Variants in PCDH15 observed in about 807,000 individuals in gnomAD.
PCDH15 encodes protocadherin related 15.
In PCDH15, 129 loss-of-function variants were observed where a neutral mutation model predicts 178.5. That is an observed-to-expected ratio of 0.72 (90% CI 0.63 to 0.84). The LOEUF (loss-of-function observed/expected upper bound fraction) is 0.84, where lower values mean the gene tolerates loss of function less well. Among genes scored for constraint, PCDH15 ranks in the 40% least tolerant of loss-of-function variants. PCDH15 has a pLI of 0.00. For missense variants in PCDH15, 2,230 were observed against 2,099.9 expected (o/e 1.06, Z -1.21); for synonymous variants, 800 against 732.0 (o/e 1.09, Z -1.50).
At chr10:55,146,010 T>C (rs925187930) in intron 2 of PCDH15, among the ~76,000 whole-genome samples, 1 of 131,564 alleles carries the variant, frequency 7.6e-6, no homozygotes, top group Non-Finnish European at 1.6e-5. Context: ...CAATTTCACT[T>C]AGCAAACCAA....
intron 1 of PCDH15, among the ~76,000 whole-genome samples, chr10:54,701,954 A>G (rs1362501222): frequency 6.6e-6 from 1 of 152,058 alleles, no homozygotes; most frequent in Non-Finnish European, 1.5e-5. Flanking sequence ...AGCCAAATGG[A>G]CCTAACAGAC....
At chr10:53,917,333 A>G (rs2083609899) in intron 25 of PCDH15, among the ~76,000 whole-genome samples, 2 of 152,192 alleles carry the variant, frequency 1.3e-5, no homozygotes, top group Non-Finnish European at 2.9e-5. Context: ...CAAAATTATT[A>G]TGTCTGAATA....
chr10:55,578,539 T>C (rs753156967), intron 2 of PCDH15, among the ~76,000 whole-genome samples: 1 of 152,148 alleles, frequency 6.6e-6, no homozygotes, highest in Non-Finnish European at 1.5e-5. Flanking sequence ...TATTTTAAAG[T>C]GATAATTCCC....
Position 53,844,107 on chromosome 10 carries a change from T to A in PCDH15, c.3807-3611A>T, listed in dbSNP as rs140449815. Among the ~76,000 whole-genome samples the A allele has an allele frequency of 6.5e-4, 99 of 151,782 alleles. 2 individuals carry two copies. In the East Asian group the frequency reaches 0.013, roughly 20 times the overall value. ...TAAGAAAAGAGAATTGCTAACTGCT[T>A]GTATAAATGTGCTGATGTAGTAGTG... On this transcript the variant is annotated intron_variant, in intron 28 of 37. Transcript: ENST00000644397.
At chr10:55,499,625 G>A (rs971921982) in intron 2 of PCDH15, among the ~76,000 whole-genome samples, 5 of 151,450 alleles carry the variant, frequency 3.3e-5, no homozygotes, top group Admixed American at 6.6e-5. Flanking sequence ...TAGATGAAAG[G>A]TTATCCAATT....
intron 1 of PCDH15, among the ~76,000 whole-genome samples, chr10:55,218,345 T>A (rs1840768225): frequency 6.6e-6 from 1 of 151,738 alleles, no homozygotes; most frequent in African/African-American, 2.4e-5. Flanking sequence ...GTTAACGAAA[T>A]AATAGGAAGC....
intron 2 of PCDH15, among the ~76,000 whole-genome samples, chr10:55,014,289 A>C (rs1344309166): frequency 1.3e-5 from 2 of 152,154 alleles, no homozygotes; most frequent in African/African-American, 2.4e-5. Context: ...GTCTATTATA[A>C]GGAAAAAATT....
chr10:54,474,325 G>T (rs1260677914), intron 3 of PCDH15, among the ~76,000 whole-genome samples: 1 of 151,776 alleles, frequency 6.6e-6, no homozygotes, highest in Non-Finnish European at 1.5e-5. Flanking sequence ...AGGAAAAATT[G>T]GATCCAAAAA....
chr10:54,778,454 T>C (rs1272597935), intron 1 of PCDH15, among the ~76,000 whole-genome samples: 1 of 152,186 alleles, frequency 6.6e-6, no homozygotes, highest in Non-Finnish European at 1.5e-5. Context: ...ACATTGCTTT[T>C]CTGCTATACA....
intron 2 of PCDH15, among the ~76,000 whole-genome samples, chr10:54,551,499 G>C (rs191935964): frequency 6.6e-6 from 1 of 151,910 alleles, no homozygotes; most frequent in Non-Finnish European, 1.5e-5. Flanking sequence ...TGACCTAAAA[G>C]AATAATTTTT....
chr10:54,999,060 TG>T (rs762370672), intron 2 of PCDH15, among the ~76,000 whole-genome samples: 6 of 147,992 alleles, frequency 4.1e-5, no homozygotes, highest in Admixed American at 7.0e-5. Flanking sequence ...ACTTTCTTGT[TG>T]TTTTTTTGTT....
At chr10:55,105,683 C>G (rs1457532111) in intron 2 of PCDH15, among the ~76,000 whole-genome samples, 1 of 152,020 alleles carries the variant, frequency 6.6e-6, no homozygotes, top group Non-Finnish European at 1.5e-5. Context: ...TTGTTTAAAG[C>G]TCATAACAAA....
chr10:55,178,845 G>A (rs561307626), intron 1 of PCDH15, among the ~76,000 whole-genome samples: 29 of 152,134 alleles, frequency 1.9e-4, no homozygotes, highest in Non-Finnish European at 3.2e-4. Flanking sequence ...AATCCTGAAT[G>A]CCCATGGGAT....
At chr10:54,330,370 A>C (rs1939227807) in intron 6 of PCDH15, among the ~76,000 whole-genome samples, 1 of 151,932 alleles carries the variant, frequency 6.6e-6, no homozygotes, top group African/African-American at 2.4e-5. Flanking sequence ...CACTGTACTG[A>C]ATGCTATAGG....
chr10:55,267,686 A>G (rs1418135282), intron 1 of PCDH15, among the ~76,000 whole-genome samples: 1 of 152,250 alleles, frequency 6.6e-6, no homozygotes, highest in African/African-American at 2.4e-5. Flanking sequence ...GTCAAACAAT[A>G]TGTTTCAAAA....
At chr10:54,171,454 A>G (rs1198237605) in intron 13 of PCDH15, among the ~76,000 whole-genome samples, 1 of 152,152 alleles carries the variant, frequency 6.6e-6, no homozygotes, top group Non-Finnish European at 1.5e-5. Flanking sequence ...TCCAGACACC[A>G]GAGCAACTTA....
At chr10:54,933,680 T>A (rs1178410833) in intron 2 of PCDH15, among the ~76,000 whole-genome samples, 1 of 152,140 alleles carries the variant, frequency 6.6e-6, no homozygotes, top group Non-Finnish European at 1.5e-5. Flanking sequence ...TAAAATTCCT[T>A]AAAAAGCTGG....
chr10:54,483,654 G>A (rs2078885518), intron 3 of PCDH15, among the ~76,000 whole-genome samples: 1 of 151,792 alleles, frequency 6.6e-6, no homozygotes, highest in Admixed American at 6.6e-5. Flanking sequence ...AAAAGAAACA[G>A]AAAACCTAAA....
intron 16 of PCDH15, 80 bp downstream of exon 16, chr10:54,089,904 C>T (rs1331344729): frequency 4.7e-6 from 5 of 1,071,278 alleles, no homozygotes; most frequent in Non-Finnish European, 7.2e-6. Flanking sequence ...CAGCTGAAAG[C>T]CTCTGATTAG....
Sources: gnomAD v4.1 joint callset for allele counts (sites outside exome capture counted in the v4.1 genomes callset) on GRCh38, gnomAD v4.1.1 for gene constraint, MANE v1.5 for transcripts, NCBI Gene and HGNC (gene_info 2026-07-23, HGNC 2026-07-21) for gene names.